Variants in LARGE2 observed in about 807,000 individuals in gnomAD.
The protein encoded by LARGE2 is xylosyl- and glucuronyltransferase LARGE2.
A neutral mutation model predicts 75.3 loss-of-function variants in LARGE2; 63 were observed. The observed-to-expected ratio is 0.84, with a 90% CI of 0.68 to 1.03. The LOEUF (loss-of-function observed/expected upper bound fraction) is 1.03, where lower values mean the gene tolerates loss of function less well. LARGE2 is among the 50% of genes least tolerant of loss of function. The pLI, the probability that LARGE2 is intolerant of heterozygous loss-of-function variation, is 0.00. For synonymous variants in LARGE2, 428 were observed against 420.1 expected (o/e 1.02, Z -0.23); for missense variants, 925 against 980.6 (o/e 0.94, Z 0.76).
chr11:45,928,537 A>G, intron 13 of LARGE2, 93 bp from the exon 14 acceptor site: 3 of 1,546,526 alleles, frequency 1.9e-6, no homozygotes, highest in African/African-American at 2.7e-5. Flanking sequence ...TTTAGCTCTC[A>G]GGGGCTACAG....
chr11:45,926,131 G>GC lies in LARGE2; in HGVS notation c.864dup (p.Thr289HisfsTer5). 6.3e-7 allele frequency: 1 copy of GC among 1,580,342 alleles called. No homozygotes were observed. Among genetic ancestry groups the GC allele is most frequent in the Non-Finnish European group, 8.6e-7 (1 of 1,163,016 alleles). Reference sequence around the variant, plus strand: ...CAGGCGGGAGCTCCTTAGCCTGCCTGCCACCTCACTGGCTGACCAGGTCTG... The same window carrying GC: ...CAGGCGGGAGCTCCTTAGCCTGCCTGCCCACCTCACTGGCTGACCAGGTCTG... On this transcript the variant is annotated frameshift_variant, in exon 7 of 14. Coordinates refer to ENST00000401752, the MANE Select transcript of LARGE2 (RefSeq NM_001300721.2). LOFTEE classifies it high-confidence loss of function.
Position 45,926,275 on chromosome 11 carries a change from T to G in LARGE2, c.936T>G (p.Pro312=). 1 of 1,614,202 alleles carries G rather than the reference T, an allele frequency of 6.2e-7. No homozygotes were observed. Among genetic ancestry groups the G allele is most frequent in the Non-Finnish European group, 8.5e-7 (1 of 1,180,040 alleles). ...KEHPGLVQRL[P]CVWNVQLSDH... is the part of the protein sequence containing the mutation. ...ACCCGGGGCTAGTGCAGCGTCTGCC[T>G]TGTGTCTGGAATGTGCAGCTGTCAG... The change falls in exon 8 of 14, where the codon CCT becomes CCG. Residue 312 remains proline (P), a synonymous_variant. Coordinates refer to ENST00000401752, the MANE Select transcript of LARGE2 (RefSeq NM_001300721.2).
chr11:45,921,994 G>C (rs2086937406), upstream of LARGE2, among the ~76,000 whole-genome samples: 1 of 152,142 alleles, frequency 6.6e-6, no homozygotes, highest in African/African-American at 2.4e-5. Context: ...ACGAGCTCCA[G>C]GCCGGTGCGC....
At position 45,928,317 on chromosome 11, in the gene LARGE2, G is replaced by A. The variant is rs751705336; in HGVS notation, c.1895G>A (p.Arg632His). 8 of 1,614,162 alleles carry A rather than the reference G, an allele frequency of 5.0e-6. No individual in the cohort carries two copies. The highest frequency in any genetic ancestry group is 2.2e-5 in the South Asian group (2 of 91,090). Residue 632 changes from arginine to histidine, a missense_variant, in exon 13 of 14, where the codon CGC becomes CAC. Physicochemically the swap from Arg to His is conservative, Grantham distance 29 (BLOSUM62 0). This residue lies in a region of LARGE2 where 469 missense variants were observed against 503.8 expected (regional missense o/e 0.93). Coordinates refer to ENST00000401752, the MANE Select transcript of LARGE2 (RefSeq NM_001300721.2). ...VPRDCPRYDP[R>H]FVGFGWNKVA... ...CGAGACTGTCCCCGCTATGATCCTC[G>A]CTTTGTGGGCTTCGGCTGGAACAAA...
rs963163733 is a variant in LARGE2 at position 45,926,951 on chromosome 11, C to A, written c.1325+80C>A. 13 of 1,414,724 alleles carry A rather than the reference C, an allele frequency of 9.2e-6. No homozygotes were observed. In the East Asian group the frequency reaches 3.1e-4, roughly 33 times the overall value. 87.6% of individuals were successfully genotyped at this position (1,414,724 alleles called of 1,614,324 possible). On this transcript the variant is annotated intron_variant, in intron 10 of 13. Transcript: ENST00000401752. ...TCTGAGAGGAGGTTCCATCTGGCAG[C>A]CTGATGCTGTGGTAGTGAGCTACCT...
rs1262737749 is a variant in LARGE2, at chr11:45,924,626, A to G, written c.613A>G (p.Thr205Ala). The G allele has an allele frequency of 6.2e-7, 1 of 1,613,782 alleles. No homozygotes were observed. Among genetic ancestry groups the G allele is most frequent in the Non-Finnish European group, 8.5e-7 (1 of 1,179,966 alleles). ...CGTCATTGTCCTGGACACGGATGTC[A>G]CCTTCGCCTCTGACATCTCGGAGCT... The part of the protein sequence containing the change: ...ARVIVLDTDV[T>A]FASDISELWA... The change falls in exon 5 of 14, where the codon ACC (threonine) becomes GCC (alanine). Residue 205 changes from threonine to alanine, a missense_variant. Coordinates refer to ENST00000401752, the MANE Select transcript of LARGE2 (RefSeq NM_001300721.2).
chr11:45,923,049 T>TC lies in LARGE2; in HGVS notation c.173dup (p.Asp59ArgfsTer49). ...TTCCCCGGCCCGCTCATGCCACGTG[T>TC]CCCCCCAGACGGGAGGCTGCGGAGA... On this transcript the variant is annotated frameshift_variant, in exon 2 of 14. Coordinates refer to ENST00000401752, the MANE Select transcript of LARGE2 (RefSeq NM_001300721.2). LOFTEE classifies it high-confidence loss of function. The TC allele has an allele frequency of 1.4e-6, 2 of 1,413,626 alleles. No homozygotes were observed. The highest frequency in any genetic ancestry group is 1.5e-5 in the South Asian group (1 of 67,404). The allele number at this position is 1,413,626 out of a possible 1,614,324, so 87.6% of individuals were successfully genotyped here. A position where few individuals can be genotyped will look rare whatever the true frequency, so the allele number is the denominator to read the frequency against.
At chr11:45,922,309 G>A (rs978057847), upstream of LARGE2, among the ~76,000 whole-genome samples, 7 of 152,158 alleles carry the variant, frequency 4.6e-5, no homozygotes, top group South Asian at 2.1e-4. Flanking sequence ...CCTCCCTCGT[G>A]TCGAGCTCCC....
chr11:45,927,165 T>C, intron 10 of LARGE2, 150 bp from the exon 11 acceptor site: 2 of 911,870 alleles, frequency 2.2e-6, no homozygotes, highest in Non-Finnish European at 3.3e-6. Context: ...GTTGTGAAGA[T>C]TCAATCAGAC....
intron 6 of LARGE2, among the ~76,000 whole-genome samples, chr11:45,925,644 A>G (rs893967247): frequency 3.9e-5 from 6 of 152,210 alleles, no homozygotes; most frequent in Admixed American, 3.3e-4. Context: ...CAATAGAGTG[A>G]GACTCTATCT....
At chr11:45,927,177 G>C in intron 10 of LARGE2, 138 bp from the exon 11 acceptor site, 1 of 978,214 alleles carries the variant, frequency 1.0e-6, no homozygotes, top group Non-Finnish European at 1.5e-6. Context: ...CAATCAGACT[G>C]GCTCTAAAAG....
At chr11:45,925,867 A>AAAAAC (rs570196512) in intron 6 of LARGE2, among the ~76,000 whole-genome samples, 172 bp from the exon 7 acceptor site, 3 of 152,092 alleles carry the variant, frequency 2.0e-5, no homozygotes, top group Non-Finnish European at 2.9e-5. Flanking sequence ...CCTGTCTCTA[A>AAAAAC]AAAACAAAAC....
intron 3 of LARGE2, 53 bp from the exon 4 acceptor site, chr11:45,924,101 C>G: frequency 6.3e-7 from 1 of 1,597,094 alleles, no homozygotes; most frequent in Non-Finnish European, 8.5e-7. Context: ...TGGGGGCTGT[C>G]CCATGTTGCT....
In LARGE2 at chr11:45,923,794, G is replaced by A. The variant is rs367715146; in HGVS notation, c.368+239G>A. On this transcript the variant is annotated intron_variant, in intron 3 of 13. Transcript: ENST00000401752. ...GAGGTCAGGAGATCGAGACCATCCCGGCTAAAACGGTGAAACCCCGTCTCT... is the reference window on the plus strand; with the variant it reads ...GAGGTCAGGAGATCGAGACCATCCCAGCTAAAACGGTGAAACCCCGTCTCT... Among the ~76,000 whole-genome samples the A allele has an allele frequency of 1.6e-3, 242 of 151,714 alleles. 1 individual carries two copies. Among genetic ancestry groups the A allele is most frequent in the South Asian group, 0.015 (70 of 4,794 alleles).
intron 2 of LARGE2, 132 bp from the exon 3 acceptor site, chr11:45,923,341 A>G: frequency 1.8e-6 from 2 of 1,116,354 alleles, no homozygotes; most frequent in East Asian, 2.5e-5. Context: ...CCCATTTGAA[A>G]TGAAGGGTTG....
chr11:45,926,645 C>G, intron 9 of LARGE2, 48 bp downstream of exon 9: 1 of 1,612,860 alleles, frequency 6.2e-7, no homozygotes, highest in Non-Finnish European at 8.5e-7. Flanking sequence ...TGGTGGGACC[C>G]AGCCTTGTCT....
In LARGE2 at chr11:45,927,478, C is replaced by A; in HGVS notation, c.1489C>A (p.Pro497Thr). The change falls in exon 11 of 14, where the codon CCC becomes ACC. Residue 497 changes from proline to threonine, a missense_variant. Physicochemically the swap from Pro to Thr is conservative, Grantham distance 38. Coordinates refer to ENST00000401752, the MANE Select transcript of LARGE2 (RefSeq NM_001300721.2). ...CTACCATGTGGTGTACCGTGAGGGGCCCCTATACCCCGTCAACCAGCTTCG... is the reference window on the plus strand; with the variant it reads ...CTACCATGTGGTGTACCGTGAGGGGACCCTATACCCCGTCAACCAGCTTCG... Reference protein sequence around the residue: ...VAYHVVYREGPLYPVNQLRNV... With the variant: ...VAYHVVYREGTLYPVNQLRNV... 1.9e-6 allele frequency: 3 copies of A among 1,614,220 alleles called. No homozygotes were observed. Among genetic ancestry groups the A allele is most frequent in the Non-Finnish European group, 1.7e-6 (2 of 1,180,038 alleles).
chr11:45,928,837 C>A lies in LARGE2; in HGVS notation c.2158C>A (p.Arg720=), dbSNP rs377190327. ...CCTGCAGCAGCCCCAGAGCCCTGCC[C>A]GAGGCTGAGGCTGGGCCGGCGCTGC... is the stretch of plus-strand genomic sequence containing the variant. ...PALQQPQSPA[R]G The change falls in exon 14 of 14, where the codon CGA becomes AGA. Residue 720 remains arginine, a synonymous_variant. Transcript: ENST00000401752. The A allele has an allele frequency of 3.1e-6, 5 of 1,613,024 alleles. No individual in the cohort carries two copies. The highest frequency in any genetic ancestry group is 2.2e-5 in the South Asian group (2 of 91,072).
In LARGE2 at chr11:45,929,055, G is replaced by C; in HGVS notation, c.*210G>C. On this transcript the variant is annotated 3_prime_UTR_variant, in exon 14 of 14. Transcript: ENST00000401752. ...AGTTTGGGGCTGGTTCCCCCATCTTGAATTGTTTATCCCTTTTTCATAATT... is the reference window on the plus strand; with the variant it reads ...AGTTTGGGGCTGGTTCCCCCATCTTCAATTGTTTATCCCTTTTTCATAATT... 1 of 626,024 alleles carries C rather than the reference G, an allele frequency of 1.6e-6. No individual in the cohort carries two copies. 38.8% of individuals were successfully genotyped at this position (626,024 alleles called of 1,614,324 possible).
Sources: allele counts gnomAD v4.1 joint callset (sites outside exome capture counted in the v4.1 genomes callset), GRCh38; gene constraint gnomAD v4.1.1; regional missense constraint gnomAD v4.1.1; transcripts MANE v1.5; gene names NCBI Gene and HGNC (gene_info 2026-07-23, HGNC 2026-07-21).